The following MSANTD2 variants were observed in gnomAD, a reference collection of about 807,000 sequenced individuals.
The protein encoded by MSANTD2 is myb/SANT-like DNA-binding domain-containing protein 2.
Under a neutral mutation model 52.6 loss-of-function variants are expected in MSANTD2, and 19 were observed. The ratio of observed to expected loss-of-function variants is 0.36; its 90% CI spans 0.25 to 0.53. MSANTD2 has a LOEUF of 0.53. MSANTD2 is among the 20% of genes least tolerant of loss of function. The pLI, the probability that MSANTD2 is intolerant of heterozygous loss-of-function variation, is 0.91. For synonymous variants in MSANTD2, 291 were observed against 289.7 expected (o/e 1.00, Z -0.04); for missense variants, 558 against 716.3 (o/e 0.78, Z 2.52).
intron 1 of MSANTD2, among the ~76,000 whole-genome samples, chr11:124,785,631 G>A (rs550966934): frequency 6.6e-6 from 1 of 152,252 alleles, no homozygotes; most frequent in African/African-American, 2.4e-5. Context: ...CAGTTGCCTT[G>A]GGCAGAGTGA....
chr11:124,767,148 G>C lies in MSANTD2; in HGVS notation c.*28C>G, dbSNP rs1565446169. ...AAGTGAGTAGAGAAGAAGGAGCTAA[G>C]AGCCCAAATCCTTATGAAGGATGAC... On this transcript the variant is annotated 3_prime_UTR_variant, in exon 4 of 4. Coordinates refer to ENST00000374979, the MANE Select transcript of MSANTD2 (RefSeq NM_001308027.2). This position sits in a 1 kb window ranked among gnomAD's most constrained non-coding sequence, Gnocchi z 6.5. 3 of 1,556,650 alleles carry C rather than the reference G, an allele frequency of 1.9e-6. No homozygotes were observed. The highest frequency in any genetic ancestry group is 4.5e-5 in the East Asian group (2 of 44,550).
chr11:124,798,526 T>C (rs534615275), intron 1 of MSANTD2, among the ~76,000 whole-genome samples: 216 of 152,308 alleles, frequency 1.4e-3, no homozygotes, highest in Non-Finnish European at 2.6e-3. Flanking sequence ...TGTTATCAAA[T>C]ACACTAATTT....
chr11:124,782,902 AC>A (rs1166272772), intron 1 of MSANTD2, among the ~76,000 whole-genome samples: 3 of 152,162 alleles, frequency 2.0e-5, no homozygotes, highest in Non-Finnish European at 4.4e-5. Flanking sequence ...GGCTCCTGAA[AC>A]CTTTTGAAAA....
At chr11:124,783,958 A>G in intron 1 of MSANTD2, 1 of 985,444 alleles carries the variant, frequency 1.0e-6, no homozygotes, top group African/African-American at 1.7e-5. Flanking sequence ...ATGCATGTTC[A>G]TGTATAAGAG....
At chr11:124,780,396 C>T (rs1196959312) in intron 1 of MSANTD2, among the ~76,000 whole-genome samples, 4 of 152,208 alleles carry the variant, frequency 2.6e-5, no homozygotes, top group Non-Finnish European at 5.9e-5. Flanking sequence ...AAAGCCCCAA[C>T]CAAGTAAAAC....
intron 1 of MSANTD2, among the ~76,000 whole-genome samples, chr11:124,785,752 A>ATC (rs985052082): frequency 4.2e-4 from 64 of 151,842 alleles, no homozygotes; most frequent in African/African-American, 1.4e-3. Context: ...TTATATATAT[A>ATC]TTAAGATATA....
intron 1 of MSANTD2, chr11:124,783,787 A>T: frequency 1.0e-6 from 1 of 985,384 alleles, no homozygotes; most frequent in Non-Finnish European, 1.2e-6. Context: ...AAAACCCTAA[A>T]GAAGGACAAT....
chr11:124,792,349 C>T (rs184799047), intron 1 of MSANTD2: 14 of 152,342 alleles, frequency 9.2e-5, no homozygotes, highest in African/African-American at 3.4e-4. Flanking sequence ...ATCACTCTTT[C>T]ACCACATGCC....
In MSANTD2 at chr11:124,799,866, G is replaced by A; in HGVS notation, c.510+5C>T. On this transcript the variant is annotated splice_donor_5th_base_variant and intron_variant, in intron 1 of 3. Transcript: ENST00000374979. ...TTCGCTGCCCCAGGCCGGGCGGCCG[G>A]TTACCTTGATGCGCTCCCGGCACTG... 1 of 1,573,586 alleles carries A rather than the reference G, an allele frequency of 6.4e-7. No homozygotes were observed. Among genetic ancestry groups the A allele is most frequent in the Non-Finnish European group, 8.6e-7 (1 of 1,168,064 alleles).
Position 124,774,029 on chromosome 11 carries a change from CTTAG to C in MSANTD2, c.766+686_766+689del, listed in dbSNP as rs1565453059. Among the ~76,000 whole-genome samples the C allele has an allele frequency of 6.6e-6, 1 of 152,194 alleles. No homozygotes were observed. The highest frequency in any genetic ancestry group is 2.4e-5 in the African/African-American group (1 of 41,448). ...ACAATCCCACAACTACATATATACT[CTTAG>C]TTAGGCCCTACAAGTTTAGATTTGA... On this transcript the variant is annotated intron_variant, in intron 2 of 3. Coordinates refer to ENST00000374979, the MANE Select transcript of MSANTD2 (RefSeq NM_001308027.2). The surrounding 1 kb of genome is among the most constrained non-coding windows in gnomAD (Gnocchi z 5.1).
At position 124,774,880 on chromosome 11, in the gene MSANTD2, T is replaced by C. The variant is rs773947521; in HGVS notation, c.605A>G (p.Gln202Arg). The C allele has an allele frequency of 3.7e-6, 6 of 1,613,280 alleles. No homozygotes were observed. Among genetic ancestry groups the C allele is most frequent in the South Asian group, 2.2e-5 (2 of 91,074 alleles). Residue 202 changes from glutamine to arginine, a missense_variant, in exon 2 of 4, where the codon CAG (glutamine) becomes CGG (arginine). Coordinates refer to ENST00000374979, the MANE Select transcript of MSANTD2 (RefSeq NM_001308027.2). This position sits in a 1 kb window ranked among gnomAD's most constrained non-coding sequence, Gnocchi z 5.1. ...GCAGGGCTGAGCATCCCATCCTCCC[T>C]GACCAAACACCTGTTCCAACTGTTC... is the stretch of plus-strand genomic sequence containing the variant. ...TFEQLEQVFG[Q>R]GGWDAQPCQP...
At chr11:124,797,600 C>T (rs1945535391) in intron 1 of MSANTD2, among the ~76,000 whole-genome samples, 2 of 152,216 alleles carry the variant, frequency 1.3e-5, no homozygotes, top group Admixed American at 1.3e-4. Flanking sequence ...GAGAGCTTAT[C>T]ATTCTGGCAG....
intron 1 of MSANTD2, chr11:124,784,147 A>G: frequency 9.2e-6 from 9 of 983,270 alleles, no homozygotes; most frequent in Non-Finnish European, 1.1e-5. Context: ...CTTCCTCCTC[A>G]CCTGAAAGGG....
chr11:124,787,237 C>G (rs960679266), intron 1 of MSANTD2, among the ~76,000 whole-genome samples: 3 of 152,114 alleles, frequency 2.0e-5, no homozygotes, highest in African/African-American at 7.2e-5. Context: ...TATCACGAGG[C>G]GCAACACGGG....
chr11:124,794,116 G>A (rs1450855402), intron 1 of MSANTD2, among the ~76,000 whole-genome samples: 1 of 152,126 alleles, frequency 6.6e-6, no homozygotes, highest in Non-Finnish European at 1.5e-5. Flanking sequence ...ACTGAACTGA[G>A]GTAGATAGAG....
intron 1 of MSANTD2, among the ~76,000 whole-genome samples, chr11:124,798,930 A>C (rs1011713664): frequency 4.6e-5 from 7 of 152,230 alleles, no homozygotes; most frequent in Non-Finnish European, 1.0e-4. Context: ...AATGAGCTTA[A>C]CTAAAATACA....
chr11:124,769,571 C>T (rs1306018664), intron 3 of MSANTD2, among the ~76,000 whole-genome samples: 1 of 152,174 alleles, frequency 6.6e-6, no homozygotes, highest in African/African-American at 2.4e-5. Context: ...ATTGATCTTA[C>T]AGAGGACTAT....
rs373504603 is a variant in MSANTD2, at chr11:124,767,693, A to G, written c.1163T>C (p.Leu388Pro). ...ITISEARCLE[L>P]HMEIDWIPIA... ...GGGTATCCAGTCAATTTCCATGTGC[A>G]GCTCCAAGCACCTAGCTTCGCTAAT... The change falls in exon 4 of 4, where the codon CTG (leucine) becomes CCG (proline). Residue 388 changes from leucine to proline, a missense_variant. This residue lies in a region of MSANTD2 where 408 missense variants were observed against 573.6 expected (regional missense o/e 0.71). Coordinates refer to ENST00000374979, the MANE Select transcript of MSANTD2 (RefSeq NM_001308027.2). The surrounding 1 kb of genome is among the most constrained non-coding windows in gnomAD (Gnocchi z 6.5). The G allele has an allele frequency of 6.2e-7, 1 of 1,614,134 alleles. No homozygotes were observed. Among genetic ancestry groups the G allele is most frequent in the Non-Finnish European group, 8.5e-7 (1 of 1,180,050 alleles).
chr11:124,800,257 A>C lies in MSANTD2; in HGVS notation c.124T>G (p.Ser42Ala), dbSNP rs1945655358. 6.4e-7 allele frequency: 1 copy of C among 1,563,468 alleles called. No homozygotes were observed. Among genetic ancestry groups the C allele is most frequent in the Non-Finnish European group, 8.6e-7 (1 of 1,158,154 alleles). ...AGCGGGGAGGCACCCCGAGGCGTGG[A>C]AGGGTCGGACAGCGATGGATTTCCG... The part of the protein sequence containing the change: ...SDGNPSLSDP[S>A]TPRGASPLGP... Residue 42 changes from serine to alanine, a missense_variant, in exon 1 of 4, where the codon TCC becomes GCC. Physicochemically the swap from Ser to Ala is moderately conservative, Grantham distance 99. Coordinates refer to ENST00000374979, the MANE Select transcript of MSANTD2 (RefSeq NM_001308027.2). The surrounding 1 kb of genome is among the most constrained non-coding windows in gnomAD (Gnocchi z 4.3).
Sources: allele counts gnomAD v4.1 joint callset (sites outside exome capture counted in the v4.1 genomes callset), GRCh38; gene constraint gnomAD v4.1.1; regional missense constraint gnomAD v4.1.1; non-coding constraint Gnocchi (gnomAD v3.1); transcripts MANE v1.5; gene names NCBI Gene and HGNC (gene_info 2026-07-23, HGNC 2026-07-21).